Variants in AMBRA1 observed in about 807,000 individuals in gnomAD.
AMBRA1 encodes the protein autophagy and beclin 1 regulator 1.
A neutral mutation model predicts 125.4 loss-of-function variants in AMBRA1; 47 were observed. The observed-to-expected ratio is 0.37, with a 90% CI of 0.30 to 0.48. The LOEUF is 0.48. Ranked by LOEUF, AMBRA1 falls within the 20% of genes least tolerant of loss-of-function variation. The pLI is 0.99. For missense variants in AMBRA1, 1,331 were observed against 1,693.4 expected, an observed-to-expected ratio of 0.79 and a Z score of 3.76; for synonymous variants, 626 against 655.5, an observed-to-expected ratio of 0.95 and a Z score of 0.69.
rs1423055217 is a variant in AMBRA1, at chr11:46,418,066, AAG to A, written c.2977-16_2977-15del. The A allele has an allele frequency of 2.6e-6, 4 of 1,539,856 alleles. No individual in the cohort carries two copies. Among genetic ancestry groups the A allele is most frequent in the African/African-American group, 1.4e-5 (1 of 73,418 alleles). On this transcript the variant is annotated splice_polypyrimidine_tract_variant and intron_variant, in intron 14 of 17. Transcript: ENST00000683756. ...GTTGAAAACTCTCTAGGTAGAGGAA[AAG>A]AGGGAAAAAAAGAGAATGGGAGGAG...
intron 11 of AMBRA1, among the ~76,000 whole-genome samples, chr11:46,452,838 C>T (rs1948677466): frequency 6.6e-6 from 1 of 152,178 alleles, no homozygotes; most frequent in Non-Finnish European, 1.5e-5. Flanking sequence ...TCCCAAGTTT[C>T]TCTGAGTTCT....
chr11:46,587,304 C>A (rs375474419), intron 1 of AMBRA1, among the ~76,000 whole-genome samples: 64 of 152,108 alleles, frequency 4.2e-4, no homozygotes, highest in African/African-American at 1.5e-3. Flanking sequence ...CGCTTGAACC[C>A]GGGAGGTGGA....
intron 7 of AMBRA1, 49 bp downstream of exon 7, chr11:46,541,896 T>C (rs1407974169): frequency 6.3e-7 from 1 of 1,589,770 alleles, no homozygotes; most frequent in Non-Finnish European, 8.5e-7. Context: ...AAGGAAATGA[T>C]ACAAGGAGAA....
chr11:46,509,515 T>C (rs913524774), intron 8 of AMBRA1, among the ~76,000 whole-genome samples: 4 of 152,182 alleles, frequency 2.6e-5, no homozygotes, highest in African/African-American at 9.7e-5. Flanking sequence ...ATTTGCAACA[T>C]TGTCAGCATT....
chr11:46,443,190 A>G (rs1948104830), intron 12 of AMBRA1, among the ~76,000 whole-genome samples: 1 of 152,258 alleles, frequency 6.6e-6, no homozygotes. Context: ...ACTGAAAAGA[A>G]GAGAAAGAGA....
intron 11 of AMBRA1, among the ~76,000 whole-genome samples, chr11:46,450,485 G>C (rs1488612028): frequency 1.3e-5 from 2 of 151,908 alleles, no homozygotes; most frequent in Non-Finnish European, 2.9e-5. Context: ...CATTGCCCAG[G>C]CTGGAGTGCA....
At chr11:46,540,735 C>CT (rs1474224904) in intron 7 of AMBRA1, among the ~76,000 whole-genome samples, 3 of 152,220 alleles carry the variant, frequency 2.0e-5, no homozygotes, top group Admixed American at 1.3e-4. Context: ...TTCCCTCTCT[C>CT]TGAGACTACA....
At position 46,585,701 on chromosome 11, in the gene AMBRA1, T is replaced by A. The variant is rs1321613455; in HGVS notation, c.-121+8127A>T. Among the ~76,000 whole-genome samples the A allele has an allele frequency of 3.0e-3, 138 of 46,234 alleles. 2 individuals carry two copies. The highest frequency in any genetic ancestry group is 0.011 in the Middle Eastern group (1 of 94). 30.3% of individuals were successfully genotyped at this position (46,234 alleles called of 152,430 possible). A position where few individuals can be genotyped will look rare whatever the true frequency, so the allele number is the denominator to read the frequency against. ...AAAAAAAAAAAAAAAAAAAAATATA[T>A]ATATATATATATATATATATATTCC... On this transcript the variant is annotated intron_variant, in intron 1 of 17. Transcript: ENST00000683756.
At position 46,396,968 on chromosome 11, in the gene AMBRA1, G is replaced by A. The variant is rs923447476; in HGVS notation, c.*482C>T. On this transcript the variant is annotated 3_prime_UTR_variant, in exon 18 of 18. Coordinates refer to ENST00000683756, the MANE Select transcript of AMBRA1 (RefSeq NM_001387011.1). Reference sequence around the variant, plus strand: ...TCAGTGGGGTAAGACGACGAAGAGAGGCTGAAGCTCTGGAAGGCTCAGAGT... The same window carrying A: ...TCAGTGGGGTAAGACGACGAAGAGAAGCTGAAGCTCTGGAAGGCTCAGAGT... 6.5e-6 allele frequency: 1 copy of A among 153,818 alleles called. No homozygotes were observed. Among genetic ancestry groups the A allele is most frequent in the African/African-American group, 2.4e-5 (1 of 41,502 alleles). 9.5% of individuals were successfully genotyped at this position (153,818 alleles called of 1,614,324 possible).
intron 1 of AMBRA1, among the ~76,000 whole-genome samples, chr11:46,584,466 A>G (rs2044296178): frequency 1.3e-5 from 2 of 151,512 alleles, no homozygotes; most frequent in South Asian, 2.1e-4. Context: ...TGGCACATGC[A>G]TACATATGTA....
At chr11:46,478,496 C>A (rs1190936604) in intron 11 of AMBRA1, among the ~76,000 whole-genome samples, 1 of 152,092 alleles carries the variant, frequency 6.6e-6, no homozygotes, top group Admixed American at 6.6e-5. Context: ...CTAGAAAATA[C>A]CCAGAGAAAG....
At chr11:46,490,689 CA>C (rs1038855583) in intron 11 of AMBRA1, among the ~76,000 whole-genome samples, 1 of 152,082 alleles carries the variant, frequency 6.6e-6, no homozygotes, top group Non-Finnish European at 1.5e-5. Context: ...TTCATCCCTG[CA>C]AAAAGCCATT....
chr11:46,482,266 T>C (rs1950099626), intron 11 of AMBRA1, among the ~76,000 whole-genome samples: 1 of 152,200 alleles, frequency 6.6e-6, no homozygotes, highest in South Asian at 2.1e-4. Context: ...TTTTGGATAA[T>C]TGTAAATGCT....
chr11:46,431,996 G>A (rs1285122747), intron 14 of AMBRA1, among the ~76,000 whole-genome samples: 7 of 152,036 alleles, frequency 4.6e-5, no homozygotes, highest in Non-Finnish European at 8.8e-5. Context: ...GGTTCTGCTA[G>A]TTACCACCTA....
At chr11:46,582,781 C>T (rs2044222320) in intron 1 of AMBRA1, among the ~76,000 whole-genome samples, 1 of 152,078 alleles carries the variant, frequency 6.6e-6, no homozygotes, top group Non-Finnish European at 1.5e-5. Context: ...AAAGCGCTTA[C>T]TACAGTACCT....
intron 17 of AMBRA1, among the ~76,000 whole-genome samples, chr11:46,399,239 A>G (rs1945598746): frequency 6.7e-6 from 1 of 148,210 alleles, no homozygotes; most frequent in Admixed American, 6.7e-5. Flanking sequence ...ACACCCAGCT[A>G]ATTTTTGTAT....
chr11:46,511,828 G>C (rs1405865776), intron 8 of AMBRA1, among the ~76,000 whole-genome samples: 1 of 152,006 alleles, frequency 6.6e-6, no homozygotes, highest in Non-Finnish European at 1.5e-5. Flanking sequence ...CTTCTGTTTT[G>C]TTTTTTATCT....
intron 14 of AMBRA1, among the ~76,000 whole-genome samples, chr11:46,424,476 A>C (rs1947015582): frequency 6.6e-6 from 1 of 152,230 alleles, no homozygotes; most frequent in Admixed American, 6.5e-5. Flanking sequence ...GGATCAAAGC[A>C]CAGAGATTAC....
At chr11:46,420,515 C>G (rs1946799533) in intron 14 of AMBRA1, among the ~76,000 whole-genome samples, 2 of 152,202 alleles carry the variant, frequency 1.3e-5, no homozygotes, top group Non-Finnish European at 2.9e-5. Flanking sequence ...TATTCTTTCT[C>G]ATGGAGGTTT....
Sources: gnomAD v4.1 joint callset for allele counts (sites outside exome capture counted in the v4.1 genomes callset) on GRCh38, gnomAD v4.1.1 for gene constraint, MANE v1.5 for transcripts, NCBI Gene and HGNC (gene_info 2026-07-23, HGNC 2026-07-21) for gene names.